The following MYDGF variants were observed in gnomAD, a reference collection of about 807,000 sequenced individuals.
MYDGF encodes myeloid-derived growth factor.
Under a neutral mutation model 24.2 loss-of-function variants are expected in MYDGF, and 29 were observed. That is an observed-to-expected ratio of 1.20 (90% CI 0.89 to 1.63). The LOEUF (loss-of-function observed/expected upper bound fraction) is 1.63, where lower values mean the gene tolerates loss of function less well. Among genes scored for constraint, MYDGF ranks in the 40% most tolerant of loss-of-function variants. The pLI is 0.00. For missense variants in MYDGF, 245 were observed against 234.8 expected (o/e 1.04, Z -0.29); for synonymous variants, 105 against 102.5 (o/e 1.02, Z -0.15).
At chr19:4,663,730 C>T (rs1183507893) in intron 3 of MYDGF, among the ~76,000 whole-genome samples, 1 of 108,416 alleles carries the variant, frequency 9.2e-6, no homozygotes, top group Non-Finnish European at 2.0e-5. Flanking sequence ...GCTCTCCCCA[C>T]CCACCCCATC....
At chr19:4,661,982 G>A (rs964031047) in intron 3 of MYDGF, among the ~76,000 whole-genome samples, 2 of 152,146 alleles carry the variant, frequency 1.3e-5, no homozygotes, top group African/African-American at 4.8e-5. Flanking sequence ...GATGGCGACC[G>A]TGGGCTTCCC....
rs1436337726 is a variant in MYDGF at position 4,664,888 on chromosome 19, C to G, written c.275G>C (p.Cys92Ser). 6.2e-7 allele frequency: 1 copy of G among 1,612,752 alleles called. No individual in the cohort carries two copies. Among genetic ancestry groups the G allele is most frequent in the African/African-American group, 1.3e-5 (1 of 74,926 alleles). ...GTSEDHQHFT[C>S]TIWRPQGKSY... is the part of the protein sequence containing the mutation. ...CCCCGAGTCTCACCTCCAGATGGTG[C>G]AGGTGAAGTGCTGGTGGTCTTCGCT... The change falls in exon 3 of 6, where the codon TGC becomes TCC. Residue 92 changes from cysteine to serine, a missense_variant. Cys to Ser is a moderately radical substitution (Grantham distance 112). Transcript: ENST00000262947.
chr19:4,664,042 A>T (rs1482044421), intron 3 of MYDGF, among the ~76,000 whole-genome samples: 2 of 151,752 alleles, frequency 1.3e-5, no homozygotes, highest in African/African-American at 4.8e-5. Flanking sequence ...AGCCTTGAGG[A>T]CGTCACGTTC....
Position 4,670,330 on chromosome 19 carries a change from G to A in MYDGF, c.5C>T (p.Ala2Val). The A allele has an allele frequency of 3.4e-6, 5 of 1,452,452 alleles. No individual in the cohort carries two copies. The highest frequency in any genetic ancestry group is 4.5e-6 in the Non-Finnish European group (5 of 1,100,840). 90.0% of individuals were successfully genotyped at this position (1,452,452 alleles called of 1,614,324 possible). M[A>V]APSGGWNGVG... ...GCCGTTCCACCCTCCGCTGGGCGCC[G>A]CCATGTTGGACTAGGGTCCTCAGGG... The change falls in exon 1 of 6, where the codon GCG (alanine) becomes GTG (valine). Residue 2 changes from alanine to valine, a missense_variant. Ala to Val is a moderately conservative substitution (Grantham distance 64, BLOSUM62 0). Coordinates refer to ENST00000262947, the MANE Select transcript of MYDGF (RefSeq NM_019107.4).
rs571148973 is a variant in MYDGF, at chr19:4,666,751, G to A, written c.226-1814C>T. Among the ~76,000 whole-genome samples, 7 of 152,224 alleles carry A rather than the reference G, an allele frequency of 4.6e-5. No individual in the cohort carries two copies. In the South Asian group the frequency reaches 1.0e-3, roughly 23 times the overall value. ...CTCCACACGTCCATGCAACTGAAGCGCTTTACATAGGATACAGAAAAATCT... is the reference window on the plus strand; with the variant it reads ...CTCCACACGTCCATGCAACTGAAGCACTTTACATAGGATACAGAAAAATCT... On this transcript the variant is annotated intron_variant, in intron 2 of 5. Coordinates refer to ENST00000262947, the MANE Select transcript of MYDGF (RefSeq NM_019107.4).
intron 3 of MYDGF, among the ~76,000 whole-genome samples, chr19:4,664,418 A>T (rs1181968511): frequency 1.3e-5 from 2 of 149,418 alleles, no homozygotes; most frequent in African/African-American, 5.0e-5. Flanking sequence ...TGAACCCAGG[A>T]GGCGGAGGCT....
In MYDGF at chr19:4,670,176, A is replaced by T; in HGVS notation, c.159T>A (p.His53Gln). The T allele has an allele frequency of 5.8e-6, 9 of 1,550,756 alleles. No individual in the cohort carries two copies. Among genetic ancestry groups the T allele is most frequent in the Non-Finnish European group, 7.8e-6 (9 of 1,151,032 alleles). The part of the protein sequence containing the change: ...RPGGVVHSFS[H>Q]NVGPGDKYTC... ...TGGCACGTACCCCCGGGCCCACGTT[A>T]TGGGAGAAGGAATGCACGACGCCGC... Residue 53 changes from histidine to glutamine, a missense_variant, in exon 1 of 6, where the codon CAT (histidine) becomes CAA (glutamine). His to Gln is a conservative substitution (Grantham distance 24, BLOSUM62 0). Coordinates refer to ENST00000262947, the MANE Select transcript of MYDGF (RefSeq NM_019107.4).
At chr19:4,660,838 G>C (rs923592799) in intron 3 of MYDGF, 88 bp from the exon 4 acceptor site, 19 of 1,132,312 alleles carry the variant, frequency 1.7e-5, no homozygotes, top group Non-Finnish European at 2.3e-5. Flanking sequence ...CAGGGACTCG[G>C]GCTGGGGTCA....
chr19:4,667,119 CCCTTT>C (rs1167870081), intron 2 of MYDGF, among the ~76,000 whole-genome samples: 7 of 147,184 alleles, frequency 4.8e-5, no homozygotes, highest in Non-Finnish European at 5.9e-5. Context: ...CTTCAAATCA[CCCTTT>C]TTTTTTTTTT....
Position 4,659,996 on chromosome 19 carries a change from GC to G in MYDGF, c.376del (p.Ala126ProfsTer11). The G allele has an allele frequency of 6.2e-7, 1 of 1,613,828 alleles. No homozygotes were observed. Among genetic ancestry groups the G allele is most frequent in the African/African-American group, 1.3e-5 (1 of 74,998 alleles). The stretch of plus-strand genomic sequence containing the variant: ...GACATCACTTTCCCTTTCAAATGCG[GC>G]TTTAGACTGAAAAAGAATGAGTGGA... ...EIEYAMAYSK[A>X]AFERESDVPL... On this transcript the variant is annotated frameshift_variant, in exon 5 of 6. Transcript: ENST00000262947. LOFTEE classifies it high-confidence loss of function.
chr19:4,666,935 A>G (rs1307661747), intron 2 of MYDGF, among the ~76,000 whole-genome samples: 4 of 152,002 alleles, frequency 2.6e-5, no homozygotes, highest in Admixed American at 2.0e-4. Flanking sequence ...CTGGTAGCTC[A>G]AGGTCCTCTT....
chr19:4,665,688 G>T (rs766174859), intron 2 of MYDGF, among the ~76,000 whole-genome samples: 1 of 151,896 alleles, frequency 6.6e-6, no homozygotes, highest in African/African-American at 2.4e-5. Flanking sequence ...GAGCGCAGTG[G>T]TGGGCGCCTG....
intron 3 of MYDGF, among the ~76,000 whole-genome samples, chr19:4,661,213 G>T (rs1389961634): frequency 1.3e-5 from 2 of 152,144 alleles, no homozygotes; most frequent in East Asian, 3.9e-4. Flanking sequence ...TGATCCACTC[G>T]CCTCAGCCTC....
intron 3 of MYDGF, among the ~76,000 whole-genome samples, chr19:4,663,533 C>A (rs1297418411): frequency 3.5e-4 from 20 of 56,430 alleles, no homozygotes; most frequent in Non-Finnish European, 3.0e-4. Context: ...TCATTCTACA[C>A]AGCCTCCAAT....
chr19:4,660,158 C>T lies in MYDGF; in HGVS notation c.370-155G>A, dbSNP rs754942295. On this transcript the variant is annotated intron_variant, in intron 4 of 5. Coordinates refer to ENST00000262947, the MANE Select transcript of MYDGF (RefSeq NM_019107.4). ...TTTTTGTTTTTGAGCCAGGACCTCA[C>T]TCTACTGTCCAGGCTGGAATGCAGC... Among the ~76,000 whole-genome samples, 5 of 152,180 alleles carry T rather than the reference C, an allele frequency of 3.3e-5. 1 individual carries two copies. Among genetic ancestry groups the T allele is most frequent in the Non-Finnish European group, 5.9e-5 (4 of 68,034 alleles).
chr19:4,668,138 G>A (rs987953715), intron 2 of MYDGF, among the ~76,000 whole-genome samples: 35 of 152,256 alleles, frequency 2.3e-4, no homozygotes, highest in African/African-American at 8.2e-4. Flanking sequence ...ATGTTGGCCA[G>A]GCTGGTCTCG....
Position 4,658,049 on chromosome 19 carries a change from A to ATCACGAT in MYDGF, c.477_478insATCGTGA (p.Ser160IlefsTer15). 1 of 1,612,058 alleles carries ATCACGAT rather than the reference A, an allele frequency of 6.2e-7. No individual in the cohort carries two copies. The stretch of plus-strand genomic sequence containing the variant: ...GCCTTGGCCACAATCACCAGCTTGG[A>ATCACGAT]CAGCTCAGCTTTGAATGCCCCGGGC... On this transcript the variant is annotated frameshift_variant, in exon 6 of 6. Transcript: ENST00000262947. LOFTEE classifies it high-confidence loss of function.
At chr19:4,660,055 T>G in intron 4 of MYDGF, 52 bp from the exon 5 acceptor site, 1 of 1,505,376 alleles carries the variant, frequency 6.6e-7, no homozygotes, top group Non-Finnish European at 9.2e-7. Flanking sequence ...TGCTCATCAT[T>G]AGGAAAACGA....
Position 4,660,544 on chromosome 19 carries a change from C to T in MYDGF, c.369+125G>A, listed in dbSNP as rs934888804. The T allele has an allele frequency of 1.5e-5, 13 of 893,104 alleles. No individual in the cohort carries two copies. The Admixed American group carries it at 2.5e-4, about 17-fold the overall frequency. The allele number at this position is 893,104 out of a possible 1,614,324, so 55.3% of individuals were successfully genotyped here. A position where few individuals can be genotyped will look rare whatever the true frequency, so the allele number is the denominator to read the frequency against. On this transcript the variant is annotated intron_variant, in intron 4 of 5. Coordinates refer to ENST00000262947, the MANE Select transcript of MYDGF (RefSeq NM_019107.4). ...GGTTCCTGCAAGTTACACACCCTACCTCTGCAGGATTCGCTGTCCCCTCTC... is the reference window on the plus strand; with the variant it reads ...GGTTCCTGCAAGTTACACACCCTACTTCTGCAGGATTCGCTGTCCCCTCTC...
Sources: gnomAD v4.1 joint callset for allele counts (sites outside exome capture counted in the v4.1 genomes callset) on GRCh38, gnomAD v4.1.1 for gene constraint, MANE v1.5 for transcripts, NCBI Gene and HGNC (gene_info 2026-07-23, HGNC 2026-07-21) for gene names.